NCSTN: variants seen among roughly 807,000 people sequenced by gnomAD.
NCSTN encodes anterior pharynx-defective 2.
NCSTN carries 22 observed loss-of-function variants against 87.0 expected under a neutral mutation model. That is an observed-to-expected ratio of 0.25 (90% CI 0.18 to 0.36). The LOEUF (loss-of-function observed/expected upper bound fraction) is 0.36, where lower values mean the gene tolerates loss of function less well. Ranked by LOEUF, NCSTN falls within the 10% of genes least tolerant of loss-of-function variation. NCSTN has a pLI of 1.00. For missense variants in NCSTN, 693 were observed against 883.3 expected, an observed-to-expected ratio of 0.78 and a Z score of 2.73; for synonymous variants, 306 against 327.1, an observed-to-expected ratio of 0.94 and a Z score of 0.69.
rs1490546734 is a variant in NCSTN at position 160,357,095 on chromosome 1, C to T, written c.1849C>T (p.Leu617Phe). The T allele has an allele frequency of 1.2e-6, 2 of 1,614,086 alleles. No individual in the cohort carries two copies. The highest frequency in any genetic ancestry group is 1.1e-5 in the South Asian group (1 of 91,076). Residue 617 changes from leucine to phenylalanine, a missense_variant, in exon 16 of 17, where the codon CTC becomes TTC. By Grantham distance (22) the Leu-to-Phe change is conservative (BLOSUM62 0). Around this residue, in one of 4 missense-constraint regions of NCSTN, gnomAD observed 216 missense variants for 311.7 expected, o/e 0.69. Transcript: ENST00000294785. ...TTTGCATTCTAATGAGACGGACCGA[C>T]TCCCCCGGTGTGTGCGTTCTACTGC... Reference protein sequence around the residue: ...GPLHSNETDRLPRCVRSTARL... With the variant: ...GPLHSNETDRFPRCVRSTARL...
intron 1 of NCSTN, 134 bp from the exon 2 acceptor site, chr1:160,344,588 G>T: frequency 6.4e-7 from 1 of 1,552,744 alleles, no homozygotes; most frequent in Non-Finnish European, 8.7e-7. Flanking sequence ...GAAATCAGAA[G>T]AATGGACTTT....
chr1:160,356,437 T>C, intron 14 of NCSTN, 90 bp downstream of exon 14: 1 of 1,450,104 alleles, frequency 6.9e-7, no homozygotes, highest in Non-Finnish European at 9.6e-7. Context: ...TTTTTTTCTT[T>C]TTCCTCTCTG....
chr1:160,351,872 G>C, intron 7 of NCSTN, 67 bp downstream of exon 7: 1 of 1,475,708 alleles, frequency 6.8e-7, no homozygotes, highest in Non-Finnish European at 9.5e-7. Flanking sequence ...CCCCGCTCTA[G>C]CATATCAGAT....
intron 13 of NCSTN, 119 bp downstream of exon 13, chr1:160,356,077 C>T (rs1649115890): frequency 1.8e-6 from 2 of 1,107,174 alleles, no homozygotes; most frequent in Admixed American, 1.9e-5. Context: ...GGTGAGAATG[C>T]CTCATGCCCC....
chr1:160,353,438 C>T (rs1370141818), intron 10 of NCSTN: 1 of 1,473,916 alleles, frequency 6.8e-7, no homozygotes, highest in Admixed American at 2.2e-5. Context: ...CCATTGGTTC[C>T]CTGGACTGGG....
chr1:160,354,267 C>G lies in NCSTN; in HGVS notation c.1329C>G (p.Asp443Glu). The change falls in exon 11 of 17, where the codon GAC becomes GAG. Residue 443 changes from aspartate (D) to glutamate (E), a missense_variant. Physicochemically the swap from Asp to Glu is conservative, Grantham distance 45 (BLOSUM62 2). Transcript: ENST00000294785. Reference sequence around the variant, plus strand: ...ACATCTCTGGCGTTGTTCTGGCTGACCACTCTGGTGCCTTCCATAACAAGT... The same window carrying G: ...ACATCTCTGGCGTTGTTCTGGCTGAGCACTCTGGTGCCTTCCATAACAAGT... ...ARNISGVVLA[D>E]HSGAFHNKYY... 6.2e-7 allele frequency: 1 copy of G among 1,614,162 alleles called. No homozygotes were observed. The highest frequency in any genetic ancestry group is 8.5e-7 in the Non-Finnish European group (1 of 1,180,026).
At position 160,357,221 on chromosome 1, in the gene NCSTN, C is replaced by T. The variant is rs1649175689; in HGVS notation, c.1975C>T (p.Arg659Trp). The T allele has an allele frequency of 3.1e-6, 5 of 1,614,006 alleles. No individual in the cohort carries two copies. The highest frequency in any genetic ancestry group is 4.2e-6 in the Non-Finnish European group (5 of 1,179,980). Residue 659 changes from arginine (R) to tryptophan (W), a missense_variant, in exon 16 of 17, where the codon CGG becomes TGG. Physicochemically the swap from Arg to Trp is moderately radical, Grantham distance 101. This residue lies in a region of NCSTN where 216 missense variants were observed against 311.7 expected (regional missense o/e 0.69). Transcript: ENST00000294785. The stretch of plus-strand genomic sequence containing the variant: ...GAGCCGCTGGAAAGATATCCGTGCC[C>T]GGATATTTCTCATCGCCAGCAAAGA... ...TESRWKDIRA[R>W]IFLIASKELE...
At position 160,358,899 on chromosome 1, in the gene NCSTN, C is replaced by A. The variant is rs1301038791; in HGVS notation, c.*628C>A. 1 of 153,242 alleles carries A rather than the reference C, an allele frequency of 6.5e-6. No homozygotes were observed. Among genetic ancestry groups the A allele is most frequent in the East Asian group, 1.9e-4 (1 of 5,202 alleles). The allele number at this position is 153,242 out of a possible 1,614,324, so 9.5% of individuals were successfully genotyped here. On this transcript the variant is annotated 3_prime_UTR_variant, in exon 17 of 17. Coordinates refer to ENST00000294785, the MANE Select transcript of NCSTN (RefSeq NM_015331.3). ...TTTGTTTTTGTCTTTTTCCTTTATT[C>A]TTTTTGTAAATATATATATAATGAG...
intron 14 of NCSTN, 70 bp downstream of exon 14, chr1:160,356,417 C>T: frequency 6.8e-7 from 1 of 1,475,926 alleles, no homozygotes. Context: ...TTTGGTTTAA[C>T]CTTTATTATT....
intron 11 of NCSTN, 48 bp from the exon 12 acceptor site, chr1:160,355,607 A>G: frequency 7.2e-7 from 1 of 1,392,318 alleles, no homozygotes. Context: ...GGAAAGGGGC[A>G]GAGCCCTGGC....
chr1:160,350,220 A>T lies in NCSTN; in HGVS notation c.552A>T (p.Glu184Asp). The part of the protein sequence containing the change: ...EDFSFPIFLL[E>D]DENETKVIKQ... ...TTAGTTTCCCCATCTTTCTTCTTGAAGATGAAAATGAAACCAAAGTCATCA... is the reference window on the plus strand; with the variant it reads ...TTAGTTTCCCCATCTTTCTTCTTGATGATGAAAATGAAACCAAAGTCATCA... The change falls in exon 5 of 17, where the codon GAA becomes GAT. Residue 184 changes from glutamate (E) to aspartate (D), a missense_variant. This residue lies in a region of NCSTN where 235 missense variants were observed against 233.9 expected (regional missense o/e 1.00). Transcript: ENST00000294785. 6.2e-7 allele frequency: 1 copy of T among 1,614,170 alleles called. No homozygotes were observed. The highest frequency in any genetic ancestry group is 8.5e-7 in the Non-Finnish European group (1 of 1,180,014).
chr1:160,345,029 G>A (rs1025918212), intron 2 of NCSTN: 3 of 634,588 alleles, frequency 4.7e-6, no homozygotes, highest in African/African-American at 3.6e-5. Flanking sequence ...CTTTTTACAT[G>A]TGCATCTCAT....
At chr1:160,356,785 G>C (rs764233796) in intron 15 of NCSTN, 31 bp downstream of exon 15, 17 of 1,604,286 alleles carry the variant, frequency 1.1e-5, no homozygotes, top group Non-Finnish European at 1.5e-5. Context: ...GAAGTGCCCT[G>C]GGGCCCCTTT....
At chr1:160,344,205 G>GCTCTTT (rs1176627417) in intron 1 of NCSTN, among the ~76,000 whole-genome samples, 5 of 151,922 alleles carry the variant, frequency 3.3e-5, no homozygotes, top group African/African-American at 1.2e-4. Flanking sequence ...GATCCTCAAA[G>GCTCTTT]GAGAAACTAC....
Position 160,358,157 on chromosome 1 carries a change from C to A in NCSTN, c.2016C>A (p.Thr672=). 6.8e-6 allele frequency: 11 copies of A among 1,614,140 alleles called. No homozygotes were observed. Among genetic ancestry groups the A allele is most frequent in the Non-Finnish European group, 9.3e-6 (11 of 1,180,020 alleles). ...CCTCCCTCCCCCTGCAGTTGATCACCCTGACAGTGGGCTTCGGCATCCTCA... is the reference window on the plus strand; with the variant it reads ...CCTCCCTCCCCCTGCAGTTGATCACACTGACAGTGGGCTTCGGCATCCTCA... ...LIASKELELI[T]LTVGFGILIF... is the part of the protein sequence containing the mutation. Residue 672 remains threonine (T), a synonymous_variant, in exon 17 of 17, where the codon ACC becomes ACA. Transcript: ENST00000294785.
chr1:160,351,624 T>C, intron 6 of NCSTN, 72 bp from the exon 7 acceptor site: 1 of 1,412,462 alleles, frequency 7.1e-7, no homozygotes, highest in African/African-American at 1.4e-5. Context: ...TGGTCAGAGA[T>C]TTCCAATGTT....
In NCSTN at chr1:160,357,084, A is replaced by G. The variant is rs776176438; in HGVS notation, c.1838A>G (p.Glu613Gly). ...GTCCAGGGCCCTTTGCATTCTAATGAGACGGACCGACTCCCCCGGTGTGTG... is the reference window on the plus strand; with the variant it reads ...GTCCAGGGCCCTTTGCATTCTAATGGGACGGACCGACTCCCCCGGTGTGTG... ...SWVQGPLHSN[E>G]TDRLPRCVRS... The change falls in exon 16 of 17, where the codon GAG becomes GGG. Residue 613 changes from glutamate (E) to glycine (G), a missense_variant. Glu to Gly is a moderately conservative substitution (Grantham distance 98). Around this residue, in one of 4 missense-constraint regions of NCSTN, gnomAD observed 216 missense variants for 311.7 expected, o/e 0.69. Coordinates refer to ENST00000294785, the MANE Select transcript of NCSTN (RefSeq NM_015331.3). 6.2e-7 allele frequency: 1 copy of G among 1,614,014 alleles called. No individual in the cohort carries two copies. The highest frequency in any genetic ancestry group is 8.5e-7 in the Non-Finnish European group (1 of 1,179,990).
intron 6 of NCSTN, 76 bp downstream of exon 6, chr1:160,351,448 A>C: frequency 6.6e-7 from 1 of 1,524,550 alleles, no homozygotes; most frequent in Non-Finnish European, 9.0e-7. Flanking sequence ...GGAATGTTAG[A>C]GAGACTGTAA....
In NCSTN at chr1:160,345,848, A is replaced by G. The variant is rs543990655; in HGVS notation, c.190+1022A>G. On this transcript the variant is annotated intron_variant, in intron 2 of 16. Transcript: ENST00000294785. ...TAGCTTCTCGGGAGGCGGAAGCAGA[A>G]GAATCCCTTGAGCCCAGGAGGCGGA... Among the ~76,000 whole-genome samples the G allele has an allele frequency of 5.8e-4, 87 of 151,044 alleles. 1 individual carries two copies. Among genetic ancestry groups the G allele is most frequent in the Non-Finnish European group, 9.1e-4 (62 of 67,862 alleles).
Sources: allele counts gnomAD v4.1 joint callset (sites outside exome capture counted in the v4.1 genomes callset), GRCh38; gene constraint gnomAD v4.1.1; regional missense constraint gnomAD v4.1.1; transcripts MANE v1.5; gene names NCBI Gene and HGNC (gene_info 2026-07-23, HGNC 2026-07-21).